The following PODNL1 variants were observed in gnomAD, a reference collection of about 807,000 sequenced individuals.
The protein encoded by PODNL1 is podocan like 1.
PODNL1 carries 50 observed loss-of-function variants against 45.1 expected under a neutral mutation model. That is an observed-to-expected ratio of 1.11 (90% confidence interval 0.88 to 1.40). The LOEUF (loss-of-function observed/expected upper bound fraction) is 1.40, where lower values mean the gene tolerates loss of function less well. Ranked by LOEUF, PODNL1 falls within the 40% of genes most tolerant of loss-of-function variation. The pLI is 0.00. For missense variants in PODNL1, 788 were observed against 793.3 expected, an observed-to-expected ratio of 0.99 and a Z score of 0.08; for synonymous variants, 406 against 372.5, an observed-to-expected ratio of 1.09 and a Z score of -1.04.
rs551478232 is a variant in PODNL1, at chr19:13,938,084, G to A, written c.4-78C>T. ...GGTGACTGGAGCATCCCCTCCTCGG[G>A]GAGGGTCTTGGTGGGGAGGCAGTGG... On this transcript the variant is annotated intron_variant, in intron 1 of 9. Transcript: ENST00000588872. 3.8e-5 allele frequency: 56 copies of A among 1,476,216 alleles called. 2 individuals are homozygous for A. The South Asian group carries it at 6.0e-4, about 16-fold the overall frequency. The allele number at this position is 1,476,216 out of a possible 1,614,324, so 91.4% of individuals were successfully genotyped here.
chr19:13,937,582 G>T (rs949102990), intron 2 of PODNL1, among the ~76,000 whole-genome samples: 4 of 151,950 alleles, frequency 2.6e-5, no homozygotes, highest in Admixed American at 2.0e-4. Context: ...ACAACTTCCA[G>T]CATGTCCACG....
rs758389798 is a variant in PODNL1 at position 13,933,357 on chromosome 19, C to T, written c.866G>A (p.Arg289His). Residue 289 changes from arginine to histidine, a missense_variant, in exon 8 of 10, where the codon CGC becomes CAC. Arg to His is a conservative substitution (Grantham distance 29). Coordinates refer to ENST00000588872, the MANE Select transcript of PODNL1 (RefSeq NM_001370095.3). The surrounding 1 kb of genome is among the most constrained non-coding windows in gnomAD (Gnocchi z 5.2). ...PRTLAILHLG[R>H]NRIRQVEAAR... is the part of the protein sequence containing the mutation. ...CGCCTCCACCTGCCGGATGCGGTTG[C>T]GGCCCAGGTGCAGGATAGCCAGGGT... 1.3e-5 allele frequency: 21 copies of T among 1,607,334 alleles called. 1 individual carries two copies. Among genetic ancestry groups the T allele is most frequent in the South Asian group, 8.8e-5 (8 of 90,802 alleles).
intron 5 of PODNL1, 90 bp downstream of exon 5, chr19:13,935,625 CCGAGGG>C: frequency 1.0e-6 from 1 of 964,322 alleles, no homozygotes; most frequent in Non-Finnish European, 1.5e-6. Context: ...CTGCACCCGG[CCGAGGG>C]CAAGGTCTTA....
Position 13,950,868 on chromosome 19 carries a change from A to G in PODNL1, c.18+2251T>C, listed in dbSNP as rs112611878. Among the ~76,000 whole-genome samples the G allele has an allele frequency of 1.9e-3, 279 of 150,680 alleles. 1 individual carries two copies. The highest frequency in any genetic ancestry group is 6.4e-3 in the African/African-American group (262 of 41,000). ...GAGACCAGCCTAGCCAACATAGTGA[A>G]ACCCTGTCTCTACTAAAAATACAAA... On this transcript the variant is annotated intron_variant, in intron 1 of 7. Transcript: ENST00000538371.
At chr19:13,948,489 G>A (rs913000638) in intron 1 of PODNL1, among the ~76,000 whole-genome samples, 9 of 149,958 alleles carry the variant, frequency 6.0e-5, no homozygotes, top group African/African-American at 1.7e-4. Flanking sequence ...TGGGATTACA[G>A]GTGTGAGCCA....
At chr19:13,943,250 C>G (rs779214342), upstream of PODNL1, among the ~76,000 whole-genome samples, 1 of 151,496 alleles carries the variant, frequency 6.6e-6, no homozygotes, top group Admixed American at 6.6e-5. Context: ...GAGCTGAGAT[C>G]GCGCCATTGC....
At chr19:13,948,361 C>T (rs966501410) in intron 1 of PODNL1, among the ~76,000 whole-genome samples, 22 of 140,416 alleles carry the variant, frequency 1.6e-4, no homozygotes, top group East Asian at 4.2e-4. Context: ...CCACCACGCC[C>T]GGCTAATTTT....
At chr19:13,947,922 G>C (rs926834113) in intron 1 of PODNL1, among the ~76,000 whole-genome samples, 1 of 152,046 alleles carries the variant, frequency 6.6e-6, no homozygotes, top group Non-Finnish European at 1.5e-5. Context: ...GCAGTGGTGC[G>C]ATCATGGCTC....
intron 1 of PODNL1, among the ~76,000 whole-genome samples, chr19:13,943,639 T>A (rs1360151652): frequency 6.6e-6 from 1 of 152,084 alleles, no homozygotes; most frequent in Non-Finnish European, 1.5e-5. Flanking sequence ...TTTTTTTGTG[T>A]TTTTAGTAGA....
chr19:13,938,155 A>C lies in PODNL1; in HGVS notation c.3+24T>G, dbSNP rs145794269. 6.6e-3 allele frequency: 10,436 copies of C among 1,592,406 alleles called. 41 individuals are homozygous for C. Among genetic ancestry groups the C allele is most frequent in the Non-Finnish European group, 8.0e-3 (9,312 of 1,170,130 alleles). On this transcript the variant is annotated intron_variant, in intron 1 of 9. Transcript: ENST00000588872. ...GGGGGGGCAGGCAGGCCCCACCCTC[A>C]GACCCTCCCGTGCCCCACCTTACCA...
chr19:13,936,270 C>A, intron 3 of PODNL1, 97 bp downstream of exon 3: 1 of 1,261,462 alleles, frequency 7.9e-7, no homozygotes, highest in Non-Finnish European at 1.1e-6. Context: ...GGAACTGCCA[C>A]AGAGCTGCCC....
At chr19:13,951,599 C>A (rs1973034548) in intron 1 of PODNL1, among the ~76,000 whole-genome samples, 1 of 152,156 alleles carries the variant, frequency 6.6e-6, no homozygotes, top group Non-Finnish European at 1.5e-5. Flanking sequence ...ATAGTGAAAC[C>A]TCGTCTCTAC....
intron 3 of PODNL1, 74 bp from the exon 4 acceptor site, chr19:13,936,118 C>T: frequency 1.1e-5 from 15 of 1,320,438 alleles, no homozygotes; most frequent in Non-Finnish European, 1.6e-5. Flanking sequence ...CTCCCAGCTG[C>T]CCCAGGACTC....
chr19:13,947,053 A>T (rs1350926673), intron 1 of PODNL1, among the ~76,000 whole-genome samples: 1 of 146,864 alleles, frequency 6.8e-6, no homozygotes, highest in Non-Finnish European at 1.5e-5. Context: ...ACACAAAAAA[A>T]CAAAAAAAAA....
At chr19:13,947,962 C>A (rs1056780375) in intron 1 of PODNL1, among the ~76,000 whole-genome samples, 4 of 152,074 alleles carry the variant, frequency 2.6e-5, no homozygotes, top group Non-Finnish European at 5.9e-5. Flanking sequence ...TGGGCTCAAG[C>A]GATCCTCTCA....
At chr19:13,932,634 G>A in intron 8 of PODNL1, 164 bp downstream of exon 8, 1 of 1,525,738 alleles carries the variant, frequency 6.6e-7, no homozygotes, top group Non-Finnish European at 8.9e-7. Context: ...GGGATTACAG[G>A]CATGAGCCAC....
chr19:13,944,875 A>C (rs914939989), intron 1 of PODNL1, among the ~76,000 whole-genome samples: 1 of 151,976 alleles, frequency 6.6e-6, no homozygotes, highest in Non-Finnish European at 1.5e-5. Context: ...TCCTGGGTTC[A>C]AGCAATTCTT....
Position 13,932,119 on chromosome 19 carries a change from AG to A in PODNL1, c.1426-8del. Reference sequence around the variant, plus strand: ...TGTGGCTGAGGTCCAGCATCTGGGCAGGGGGTTATAGATGGCATCGTGGCAG... The same window carrying A: ...TGTGGCTGAGGTCCAGCATCTGGGCAGGGGTTATAGATGGCATCGTGGCAG... On this transcript the variant is annotated splice_polypyrimidine_tract_variant and splice_region_variant and intron_variant, in intron 8 of 9. Transcript: ENST00000588872. 8.1e-7 allele frequency: 1 copy of A among 1,233,702 alleles called. No individual in the cohort carries two copies. The highest frequency in any genetic ancestry group is 1.0e-6 in the Non-Finnish European group (1 of 989,124). The allele number at this position is 1,233,702 out of a possible 1,614,324, so 76.4% of individuals were successfully genotyped here.
Position 13,932,927 on chromosome 19 carries a change from G to A in PODNL1, c.1296C>T (p.Asn432=). The change falls in exon 8 of 10, where the codon AAC becomes AAT. Residue 432 remains asparagine (N), a synonymous_variant. Transcript: ENST00000588872. ...TGLRTLQLQR[N]QLRMLEPEPL... is the part of the protein sequence containing the mutation. Reference sequence around the variant, plus strand: ...GCTCGGGCTCGAGCATCCGCAGCTGGTTGCGTTGCAGCTGCAGGGTGCGCA... The same window carrying A: ...GCTCGGGCTCGAGCATCCGCAGCTGATTGCGTTGCAGCTGCAGGGTGCGCA... 1.9e-6 allele frequency: 3 copies of A among 1,574,048 alleles called. No homozygotes were observed. The South Asian group carries it at 3.4e-5, about 18-fold the overall frequency.
Sources: allele counts gnomAD v4.1 joint callset (sites outside exome capture counted in the v4.1 genomes callset), GRCh38; gene constraint gnomAD v4.1.1; non-coding constraint Gnocchi (gnomAD v3.1); transcripts MANE v1.5; gene names NCBI Gene and HGNC (gene_info 2026-07-23, HGNC 2026-07-21).